Variants in PDE8B observed in about 807,000 individuals in gnomAD.
PDE8B encodes the protein high affinity cAMP-specific and IBMX-insensitive 3',5'-cyclic phosphodiesterase 8B.
Under a neutral mutation model 101.3 loss-of-function variants are expected in PDE8B, and 26 were observed. That is an observed-to-expected ratio of 0.26 (90% CI 0.19 to 0.36). The LOEUF is 0.36. Ranked by LOEUF, PDE8B falls within the 10% of genes least tolerant of loss-of-function variation. PDE8B has a pLI of 1.00. For missense variants in PDE8B, 810 were observed against 1,163.1 expected (o/e 0.70, Z 4.42); for synonymous variants, 424 against 429.3 (o/e 0.99, Z 0.15).
chr5:77,270,560 G>T (rs1762576499), intron 1 of PDE8B, among the ~76,000 whole-genome samples: 1 of 152,170 alleles, frequency 6.6e-6, no homozygotes, highest in South Asian at 2.1e-4. Flanking sequence ...AAGAGGTGGG[G>T]TGACATGTTG....
At chr5:77,187,604 G>A in the PDE8B span, among the ~76,000 whole-genome samples, 6 of 152,186 alleles carry the variant, frequency 3.9e-5, no homozygotes, top group African/African-American at 1.4e-4. Flanking sequence ...ACAATTAGTG[G>A]TATTTTAGAT....
intron 1 of PDE8B, among the ~76,000 whole-genome samples, chr5:77,223,763 T>C (rs570707077): frequency 6.6e-6 from 1 of 152,296 alleles, no homozygotes; most frequent in African/African-American, 2.4e-5. Context: ...TAGGAGATAC[T>C]GGCAGGAAAT....
intron 1 of PDE8B, among the ~76,000 whole-genome samples, chr5:77,239,604 T>C (rs1003902395): frequency 2.0e-5 from 3 of 152,256 alleles, no homozygotes; most frequent in Non-Finnish European, 4.4e-5. Flanking sequence ...TGGATAATTT[T>C]AGTGTGGAAA....
chr5:77,287,778 A>G (rs569326375), intron 1 of PDE8B, among the ~76,000 whole-genome samples: 321 of 152,252 alleles, frequency 2.1e-3, no homozygotes, highest in African/African-American at 7.4e-3. Flanking sequence ...GATTTTAACA[A>G]TGGTAGTTTT....
At chr5:77,333,868 G>A (rs185022153) in intron 5 of PDE8B, among the ~76,000 whole-genome samples, 1 of 152,358 alleles carries the variant, frequency 6.6e-6, no homozygotes, top group Admixed American at 6.5e-5. Flanking sequence ...CAGCCTCAGT[G>A]AATAAAGCTT....
the PDE8B span, among the ~76,000 whole-genome samples, chr5:77,099,031 A>G: frequency 6.6e-6 from 1 of 152,248 alleles, no homozygotes; most frequent in African/African-American, 2.4e-5. Context: ...CATTCAAACC[A>G]TAGCCATCAT....
At chr5:77,254,777 TTA>T (rs1758766672) in intron 1 of PDE8B, among the ~76,000 whole-genome samples, 1 of 152,244 alleles carries the variant, frequency 6.6e-6, no homozygotes, top group Non-Finnish European at 1.5e-5. Flanking sequence ...TTGAAATGTC[TTA>T]TGTTTTCCTG....
chr5:77,154,812 G>T, the PDE8B span, among the ~76,000 whole-genome samples: 1 of 152,160 alleles, frequency 6.6e-6, no homozygotes, highest in Non-Finnish European at 1.5e-5. Flanking sequence ...GGGATGAACT[G>T]GTCACCCTAT....
At chr5:77,374,822 C>T (rs145145413) in intron 10 of PDE8B, among the ~76,000 whole-genome samples, 6 of 152,302 alleles carry the variant, frequency 3.9e-5, no homozygotes, top group Non-Finnish European at 7.4e-5. Context: ...GCAGCATACA[C>T]GCTTGTTCTG....
intron 9 of PDE8B, among the ~76,000 whole-genome samples, chr5:77,352,879 C>T (rs1052297739): frequency 2.0e-5 from 3 of 152,178 alleles, no homozygotes; most frequent in Non-Finnish European, 2.9e-5. Context: ...GGATTTTTAT[C>T]TGCCTGAGAA....
chr5:77,093,532 A>G, the PDE8B span, among the ~76,000 whole-genome samples: 1 of 152,172 alleles, frequency 6.6e-6, no homozygotes, highest in East Asian at 1.9e-4. Context: ...TTGGCACCCA[A>G]TGAGTAGAAA....
intron 5 of PDE8B, 127 bp downstream of exon 5, chr5:77,331,586 A>G (rs1256338525): frequency 5.0e-6 from 4 of 802,280 alleles, no homozygotes; most frequent in Non-Finnish European, 6.5e-6. Context: ...TGTTGGGGAA[A>G]GGAAGAAACT....
the PDE8B span, among the ~76,000 whole-genome samples, chr5:77,163,696 C>A: frequency 6.6e-6 from 1 of 152,214 alleles, no homozygotes; most frequent in African/African-American, 2.4e-5. Context: ...CACTCTCCTT[C>A]CCCCTTTTCA....
intron 1 of PDE8B, chr5:77,291,443 T>C: frequency 6.2e-7 from 1 of 1,611,400 alleles, no homozygotes; most frequent in East Asian, 2.2e-5. Flanking sequence ...TTGCCCACGA[T>C]GCATCCATTG....
At chr5:77,387,780 A>T (rs552435397) in intron 10 of PDE8B, among the ~76,000 whole-genome samples, 1 of 151,712 alleles carries the variant, frequency 6.6e-6, no homozygotes, top group African/African-American at 2.4e-5. Context: ...ATTCCTTTTC[A>T]TTCTTTTTTC....
the PDE8B span, chr5:77,098,883 A>G: frequency 1.3e-5 from 2 of 152,124 alleles, no homozygotes; most frequent in African/African-American, 2.4e-5. Context: ...GGGAGAGTGC[A>G]CTAAATTTGC....
At chr5:77,411,455 A>C (rs1301000159) in intron 14 of PDE8B, among the ~76,000 whole-genome samples, 1 of 151,952 alleles carries the variant, frequency 6.6e-6, no homozygotes, top group African/African-American at 2.4e-5. Flanking sequence ...AGTCACATCC[A>C]CTCTATCCCA....
chr5:77,411,601 C>G (rs1005673789), intron 14 of PDE8B, 75 bp from the exon 15 acceptor site: 1 of 1,222,022 alleles, frequency 8.2e-7, no homozygotes, highest in Non-Finnish European at 1.2e-6. Context: ...AAATCTCTTT[C>G]ACTAATAATA....
intron 1 of PDE8B, among the ~76,000 whole-genome samples, chr5:77,265,043 CT>C (rs1202326983): frequency 6.6e-6 from 1 of 152,178 alleles, no homozygotes; most frequent in Non-Finnish European, 1.5e-5. Context: ...CTTATTCTGT[CT>C]TTTTACACTG....
Sources: allele counts gnomAD v4.1 joint callset (sites outside exome capture counted in the v4.1 genomes callset), GRCh38; gene constraint gnomAD v4.1.1; transcripts MANE v1.5; gene names NCBI Gene and HGNC (gene_info 2026-07-23, HGNC 2026-07-21).